MYRIP: variants seen among roughly 807,000 people sequenced by gnomAD.
MYRIP encodes myosin VIIA and Rab interacting protein, also known as rab effector MyRIP.
Under a neutral mutation model 98.0 loss-of-function variants are expected in MYRIP, and 49 were observed. The observed-to-expected ratio is 0.50, with a 90% confidence interval of 0.40 to 0.63. The LOEUF (loss-of-function observed/expected upper bound fraction) is 0.63. Ranked by LOEUF, MYRIP falls within the 30% of genes least tolerant of loss-of-function variation. The pLI, the probability that MYRIP is intolerant of heterozygous loss-of-function variation, is 0.00. For missense variants in MYRIP, 1,004 were observed against 1,058.2 expected (o/e 0.95, Z 0.71); for synonymous variants, 404 against 409.5 (o/e 0.99, Z 0.16).
Position 39,906,483 on chromosome 3 carries a change from C to T in MYRIP, c.110+5557C>T, listed in dbSNP as rs573755835. ...TGGCTAAACATACTGAGTGCCTAAA[C>T]AGAATTCAATGGAAATAATAAATTA... On this transcript the variant is annotated intron_variant, in intron 2 of 16. Coordinates refer to ENST00000302541, the MANE Select transcript of MYRIP (RefSeq NM_015460.4). 1.4e-4 allele frequency among the ~76,000 whole-genome samples: 21 copies of T among 152,274 alleles called. 1 individual carries two copies. The Middle Eastern group carries it at 0.017, about 123-fold the overall frequency.
chr3:39,820,423 G>A (rs1488069940), intron 1 of MYRIP, among the ~76,000 whole-genome samples: 1 of 152,000 alleles, frequency 6.6e-6, no homozygotes, highest in Non-Finnish European at 1.5e-5. Context: ...GTATGTGTAA[G>A]CAGTGCTTCC....
chr3:40,126,777 T>C (rs1456238859), intron 3 of MYRIP, among the ~76,000 whole-genome samples: 1 of 152,216 alleles, frequency 6.6e-6, no homozygotes, highest in Non-Finnish European at 1.5e-5. Context: ...TATTTAGAAA[T>C]AATAATTCCT....
At chr3:40,107,096 C>T (rs1231307861) in intron 3 of MYRIP, among the ~76,000 whole-genome samples, 1 of 152,230 alleles carries the variant, frequency 6.6e-6, no homozygotes, top group African/African-American at 2.4e-5. Context: ...ATGCGCTCAA[C>T]TTTTTAAAAA....
chr3:40,195,035 T>C (rs1428566698), intron 10 of MYRIP, among the ~76,000 whole-genome samples: 2 of 152,328 alleles, frequency 1.3e-5, no homozygotes, highest in East Asian at 3.9e-4. Flanking sequence ...CTTATTTCTC[T>C]TTCTTTTTTT....
At chr3:40,155,034 A>G (rs1950195255) in intron 4 of MYRIP, among the ~76,000 whole-genome samples, 1 of 152,000 alleles carries the variant, frequency 6.6e-6, no homozygotes, top group African/African-American at 2.4e-5. Context: ...GTACATGTAC[A>G]CAATGTGCAG....
intron 11 of MYRIP, among the ~76,000 whole-genome samples, chr3:40,220,104 CAT>C (rs1380266002): frequency 2.6e-5 from 4 of 151,720 alleles, no homozygotes; most frequent in Admixed American, 6.6e-5. Context: ...AGCATTTTTT[CAT>C]ATGTTTTTTG....
chr3:39,933,018 C>T (rs1490710281), intron 2 of MYRIP, among the ~76,000 whole-genome samples: 2 of 152,150 alleles, frequency 1.3e-5, no homozygotes, highest in Non-Finnish European at 1.5e-5. Context: ...TAGGACTGCT[C>T]TAGAATAAGG....
At chr3:40,191,219 C>T (rs1046264570) in intron 10 of MYRIP, among the ~76,000 whole-genome samples, 3 of 152,210 alleles carry the variant, frequency 2.0e-5, no homozygotes, top group Non-Finnish European at 4.4e-5. Flanking sequence ...CATGCACACT[C>T]ACACATGCAC....
At chr3:39,853,549 GTCT>G (rs1468816764) in intron 1 of MYRIP, among the ~76,000 whole-genome samples, 10 of 152,158 alleles carry the variant, frequency 6.6e-5, no homozygotes, top group Admixed American at 2.6e-4. Flanking sequence ...CCATTTGTGT[GTCT>G]TCTTTTGAGA....
intron 1 of MYRIP, among the ~76,000 whole-genome samples, chr3:39,843,047 G>A (rs1486969063): frequency 6.6e-6 from 1 of 152,162 alleles, no homozygotes; most frequent in African/African-American, 2.4e-5. Context: ...GAGTATAGCT[G>A]GGTTTGTGAA....
intron 3 of MYRIP, among the ~76,000 whole-genome samples, chr3:40,059,290 A>G (rs1947951666): frequency 6.6e-6 from 1 of 152,210 alleles, no homozygotes; most frequent in African/African-American, 2.4e-5. Context: ...TCCTTTGGGT[A>G]TATACCCAGT....
intron 2 of MYRIP, among the ~76,000 whole-genome samples, chr3:39,998,564 A>G (rs1946430349): frequency 6.6e-6 from 1 of 152,204 alleles, no homozygotes; most frequent in African/African-American, 2.4e-5. Flanking sequence ...CCATGCTCAC[A>G]GGTAGGAAGA....
chr3:39,959,223 C>T (rs1199688045), intron 2 of MYRIP, among the ~76,000 whole-genome samples: 5 of 133,380 alleles, frequency 3.7e-5, no homozygotes, highest in South Asian at 2.5e-4. Context: ...CACATGCACA[C>T]GTATGTTTAT....
At chr3:40,031,052 G>T (rs985160808) in intron 2 of MYRIP, among the ~76,000 whole-genome samples, 5 of 152,178 alleles carry the variant, frequency 3.3e-5, no homozygotes, top group Admixed American at 2.6e-4. Context: ...CTATTTGGCC[G>T]CTATAACAAA....
intron 4 of MYRIP, among the ~76,000 whole-genome samples, chr3:40,154,138 CA>C (rs5848550): frequency 0.01 from 1,446 of 138,276 alleles, 13 homozygotes; most frequent in African/African-American, 0.017. Flanking sequence ...GATTCCGTCT[CA>C]AAAAAAAAAA....
intron 1 of MYRIP, among the ~76,000 whole-genome samples, chr3:39,862,031 A>G (rs1304033648): frequency 6.6e-6 from 1 of 152,142 alleles, no homozygotes; most frequent in Non-Finnish European, 1.5e-5. Flanking sequence ...TCCCCAAGAC[A>G]TGTAGTTATC....
chr3:40,134,873 A>C (rs1949728524), intron 3 of MYRIP, among the ~76,000 whole-genome samples: 2 of 152,118 alleles, frequency 1.3e-5, no homozygotes, highest in Non-Finnish European at 2.9e-5. Flanking sequence ...CACACCAAAA[A>C]CCCATCTGTA....
chr3:39,849,459 C>T (rs1942062212), intron 1 of MYRIP, among the ~76,000 whole-genome samples: 1 of 152,148 alleles, frequency 6.6e-6, no homozygotes, highest in Admixed American at 6.6e-5. Flanking sequence ...AAGTTGTTTT[C>T]TCCGGTCCAC....
At chr3:39,983,966 T>C (rs1377715483) in intron 2 of MYRIP, among the ~76,000 whole-genome samples, 1 of 152,188 alleles carries the variant, frequency 6.6e-6, no homozygotes, top group Non-Finnish European at 1.5e-5. Flanking sequence ...TTTTTTGCTC[T>C]GGCTGCCAGA....
Sources: allele counts gnomAD v4.1 joint callset (sites outside exome capture counted in the v4.1 genomes callset), GRCh38; gene constraint gnomAD v4.1.1; transcripts MANE v1.5; gene names NCBI Gene and HGNC (gene_info 2026-07-23, HGNC 2026-07-21).